Variants in KCNIP3 observed in about 807,000 individuals in gnomAD.
The protein encoded by KCNIP3 is potassium voltage-gated channel interacting protein 3, also known as calsenilin.
KCNIP3 carries 28 observed loss-of-function variants against 35.0 expected under a neutral mutation model. That is an observed-to-expected ratio of 0.80 (90% CI 0.59 to 1.10). The LOEUF (loss-of-function observed/expected upper bound fraction) is 1.10, where lower values mean the gene tolerates loss of function less well. Ranked by LOEUF, KCNIP3 falls within the 50% of genes least tolerant of loss-of-function variation. KCNIP3 has a pLI of 0.00. For missense variants in KCNIP3, 295 were observed against 338.4 expected (o/e 0.87, Z 1.01); for synonymous variants, 134 against 133.8 (o/e 1.00, Z -0.01).
At chr2:95,369,614 CT>C (rs944635843) in intron 2 of KCNIP3, among the ~76,000 whole-genome samples, 31 of 150,802 alleles carry the variant, frequency 2.1e-4, no homozygotes, top group African/African-American at 6.8e-4. Context: ...TCTTTTCTCT[CT>C]TTTTTTTTCA....
intron 2 of KCNIP3, among the ~76,000 whole-genome samples, chr2:95,350,915 G>A (rs1233346646): frequency 6.6e-6 from 1 of 152,192 alleles, no homozygotes; most frequent in African/African-American, 2.4e-5. Flanking sequence ...ACTTCATGGG[G>A]GAGTCACTGC....
intron 8 of KCNIP3, 93 bp from the exon 9 acceptor site, chr2:95,383,909 G>C: frequency 9.3e-7 from 1 of 1,072,654 alleles, no homozygotes. Flanking sequence ...GGCAGTCGCT[G>C]CAGGCTCCGA....
chr2:95,347,011 C>A (rs746462031), intron 2 of KCNIP3: 2 of 1,600,436 alleles, frequency 1.2e-6, no homozygotes, highest in East Asian at 4.5e-5. Context: ...CCAGGCAGCC[C>A]GGCTTGCCAT....
At chr2:95,383,905 C>A (rs967847725) in intron 8 of KCNIP3, 97 bp from the exon 9 acceptor site, 4 of 1,018,574 alleles carry the variant, frequency 3.9e-6, no homozygotes, top group East Asian at 2.4e-5. Context: ...GACAGGCAGT[C>A]GCTGCAGGCT....
intron 2 of KCNIP3, among the ~76,000 whole-genome samples, chr2:95,369,505 G>T (rs747187867): frequency 2.0e-5 from 3 of 152,144 alleles, no homozygotes; most frequent in Non-Finnish European, 4.4e-5. Flanking sequence ...TTGAATTTGT[G>T]TGTGAAGACT....
At chr2:95,327,498 C>CT (rs3836207) in intron 2 of KCNIP3, among the ~76,000 whole-genome samples, 117,190 of 152,116 alleles carry the variant, frequency 0.77, 45,653 homozygotes, top group African/African-American at 0.87. Context: ...TTACATGCAC[C>CT]GGAAGCAGTG....
At chr2:95,375,000 TG>T in intron 4 of KCNIP3, 83 bp downstream of exon 4, 1 of 1,533,432 alleles carries the variant, frequency 6.5e-7, no homozygotes. Context: ...CCTGGAGGCT[TG>T]GTGCTGCCCC....
chr2:95,381,037 A>G (rs1486325772), intron 5 of KCNIP3, among the ~76,000 whole-genome samples: 2 of 152,296 alleles, frequency 1.3e-5, no homozygotes, highest in East Asian at 1.9e-4. Flanking sequence ...TCATTCCTCT[A>G]GCTATTTAAT....
At chr2:95,348,023 G>A (rs548877457) in intron 2 of KCNIP3, among the ~76,000 whole-genome samples, 1 of 152,376 alleles carries the variant, frequency 6.6e-6, no homozygotes, top group Admixed American at 6.5e-5. Flanking sequence ...TGCTGAGTGC[G>A]GGAAGGGGCA....
At chr2:95,336,685 G>A (rs1347473959) in intron 2 of KCNIP3, among the ~76,000 whole-genome samples, 19 of 152,132 alleles carry the variant, frequency 1.2e-4, no homozygotes, top group Admixed American at 6.5e-5. Context: ...TTGTTTTGGC[G>A]AGCATTTAAA....
intron 1 of KCNIP3, among the ~76,000 whole-genome samples, chr2:95,307,009 T>C (rs1678194864): frequency 1.3e-5 from 2 of 152,100 alleles, no homozygotes; most frequent in Non-Finnish European, 2.9e-5. Context: ...AGTCCCAGCT[T>C]CCCAGGCTCG....
At chr2:95,313,915 TCA>T (rs564642365) in intron 2 of KCNIP3, 74 of 150,092 alleles carry the variant, frequency 4.9e-4, no homozygotes, top group Middle Eastern at 3.4e-3. Context: ...CAGCCATTCC[TCA>T]CACACACACA....
intron 1 of KCNIP3, among the ~76,000 whole-genome samples, chr2:95,301,368 C>T (rs1189659501): frequency 6.6e-6 from 1 of 152,238 alleles, no homozygotes; most frequent in Non-Finnish European, 1.5e-5. Flanking sequence ...GGACCCCGGG[C>T]AGGAGACAGG....
chr2:95,342,036 G>A (rs1358253647), intron 2 of KCNIP3, among the ~76,000 whole-genome samples: 1 of 152,162 alleles, frequency 6.6e-6, no homozygotes, highest in East Asian at 1.9e-4. Context: ...AGGATGATGA[G>A]GCATAAACTG....
intron 1 of KCNIP3, among the ~76,000 whole-genome samples, chr2:95,303,735 C>A (rs1678102568): frequency 6.6e-6 from 1 of 152,186 alleles, no homozygotes. Flanking sequence ...CAGAGAGCAG[C>A]TGGGGCGGCT....
chr2:95,335,570 C>CATAGCAGAAT (rs1485148941), intron 2 of KCNIP3, among the ~76,000 whole-genome samples: 1 of 152,168 alleles, frequency 6.6e-6, no homozygotes, highest in Non-Finnish European at 1.5e-5. Flanking sequence ...TCAGAATCTC[C>CATAGCAGAAT]ACACCATAGC....
At chr2:95,337,482 C>G (rs966997436) in intron 2 of KCNIP3, among the ~76,000 whole-genome samples, 3 of 152,138 alleles carry the variant, frequency 2.0e-5, no homozygotes, top group African/African-American at 7.2e-5. Flanking sequence ...TATGTTCCTG[C>G]TAGGTCTCTT....
chr2:95,330,633 A>G (rs933840324), intron 2 of KCNIP3, among the ~76,000 whole-genome samples: 1 of 152,222 alleles, frequency 6.6e-6, no homozygotes, highest in African/African-American at 2.4e-5. Flanking sequence ...CACAGTCACT[A>G]GAACTGCAGC....
Position 95,374,365 on chromosome 2 carries a change from C to A in KCNIP3, c.251C>A (p.Ala84Asp). 6.2e-7 allele frequency: 1 copy of A among 1,614,158 alleles called. No homozygotes were observed. Among genetic ancestry groups the A allele is most frequent in the Non-Finnish European group, 8.5e-7 (1 of 1,179,974 alleles). Residue 84 changes from alanine (A) to aspartate (D), a missense_variant, in exon 3 of 9, where the codon GCC (alanine) becomes GAC (aspartate). Coordinates refer to ENST00000295225, the MANE Select transcript of KCNIP3 (RefSeq NM_013434.5). The part of the protein sequence containing the change: ...HQPEGLDQLQ[A>D]QTKFTKKELQ... Reference sequence around the variant, plus strand: ...CCAGAGGGGCTGGACCAGCTGCAGGCCCAGACCAAGTTCACCAAGAAGGAG... The same window carrying A: ...CCAGAGGGGCTGGACCAGCTGCAGGACCAGACCAAGTTCACCAAGAAGGAG...
Sources: allele counts gnomAD v4.1 joint callset (sites outside exome capture counted in the v4.1 genomes callset), GRCh38; gene constraint gnomAD v4.1.1; transcripts MANE v1.5; gene names NCBI Gene and HGNC (gene_info 2026-07-23, HGNC 2026-07-21).